Variants in TRIM44 observed in about 807,000 individuals in gnomAD.
TRIM44 encodes the protein tripartite motif-containing protein 44.
TRIM44 carries 13 observed loss-of-function variants against 37.4 expected under a neutral mutation model. The ratio of observed to expected loss-of-function variants is 0.35; its 90% CI spans 0.23 to 0.55. The LOEUF is 0.55. Among genes scored for constraint, TRIM44 ranks in the 20% least tolerant of loss-of-function variants. The pLI is 0.89. For synonymous variants in TRIM44, 175 were observed against 157.2 expected (o/e 1.11, Z -0.85); for missense variants, 426 against 437.2 (o/e 0.97, Z 0.23).
At chr11:35,757,315 G>A (rs755262286) in intron 4 of TRIM44, among the ~76,000 whole-genome samples, 2 of 152,100 alleles carry the variant, frequency 1.3e-5, no homozygotes, top group Non-Finnish European at 2.9e-5. Flanking sequence ...ATTCTCTGAT[G>A]GTAGTTTGTA....
chr11:35,725,058 G>GCACACACACA (rs373473803), intron 2 of TRIM44, among the ~76,000 whole-genome samples: 2 of 107,304 alleles, frequency 1.9e-5, no homozygotes, highest in African/African-American at 9.5e-5. Flanking sequence ...TAGGAGACAT[G>GCACACACACA]CACACACTCA....
chr11:35,676,536 G>A (rs1282060431), intron 1 of TRIM44, among the ~76,000 whole-genome samples: 1 of 152,148 alleles, frequency 6.6e-6, no homozygotes, highest in African/African-American at 2.4e-5. Context: ...TCTAATTTTA[G>A]GTTCACAAGT....
At position 35,663,203 on chromosome 11, in the gene TRIM44, A is replaced by C; in HGVS notation, c.92A>C (p.Glu31Ala). The change falls in exon 1 of 5, where the codon GAA becomes GCA. Residue 31 changes from glutamate (E) to alanine (A), a missense_variant. Physicochemically the swap from Glu to Ala is moderately radical, Grantham distance 107 (BLOSUM62 -1). Around this residue, in one of 2 missense-constraint regions of TRIM44, gnomAD observed 331 missense variants for 303.0 expected, o/e 1.09. Coordinates refer to ENST00000299413, the MANE Select transcript of TRIM44 (RefSeq NM_017583.6). ...CCCGACGAGGCTCCGGGGGCCGAGG[A>C]AGTGTGCCGAGAATGCGGCTTCTGC... The part of the protein sequence containing the change: ...CEPDEAPGAE[E>A]VCRECGFCYC... 6.3e-7 allele frequency: 1 copy of C among 1,598,928 alleles called. No homozygotes were observed. Among genetic ancestry groups the C allele is most frequent in the Non-Finnish European group, 8.5e-7 (1 of 1,171,748 alleles).
At chr11:35,754,517 T>A (rs1433056594) in intron 4 of TRIM44, among the ~76,000 whole-genome samples, 1 of 152,174 alleles carries the variant, frequency 6.6e-6, no homozygotes, top group Non-Finnish European at 1.5e-5. Context: ...TTATTTTTTT[T>A]ATTATACTTT....
intron 2 of TRIM44, among the ~76,000 whole-genome samples, chr11:35,697,398 C>CT (rs1405384624): frequency 2.7e-5 from 4 of 145,796 alleles, no homozygotes; most frequent in Admixed American, 2.1e-4. Flanking sequence ...TAAACTCATC[C>CT]TTTTTTATGG....
At chr11:35,674,375 A>G (rs1284235708) in intron 1 of TRIM44, among the ~76,000 whole-genome samples, 2 of 152,250 alleles carry the variant, frequency 1.3e-5, no homozygotes, top group African/African-American at 4.8e-5. Context: ...AAACTGATCA[A>G]GAATGAAAAA....
intron 4 of TRIM44, among the ~76,000 whole-genome samples, chr11:35,742,454 AT>A (rs1852411110): frequency 7.3e-6 from 1 of 136,874 alleles, no homozygotes; most frequent in Admixed American, 7.9e-5. Flanking sequence ...ATATAATTAT[AT>A]TAATTACAAT....
At chr11:35,784,355 C>T (rs968381069) in intron 4 of TRIM44, among the ~76,000 whole-genome samples, 7 of 152,116 alleles carry the variant, frequency 4.6e-5, no homozygotes, top group African/African-American at 1.7e-4. Flanking sequence ...TCCATTATTA[C>T]GAATTTTTAT....
intron 3 of TRIM44, among the ~76,000 whole-genome samples, chr11:35,732,000 C>T (rs562211271): frequency 1.1e-4 from 16 of 152,174 alleles, no homozygotes; most frequent in African/African-American, 3.6e-4. Context: ...GAGGGTGATA[C>T]CATTCAAAGC....
At chr11:35,747,811 A>G (rs911357687) in intron 4 of TRIM44, among the ~76,000 whole-genome samples, 2 of 151,786 alleles carry the variant, frequency 1.3e-5, no homozygotes, top group Non-Finnish European at 2.9e-5. Context: ...GTGCAGGCCA[A>G]CTGTTACCAT....
intron 2 of TRIM44, among the ~76,000 whole-genome samples, chr11:35,688,288 G>T (rs1851603369): frequency 6.6e-6 from 1 of 152,186 alleles, no homozygotes; most frequent in Admixed American, 6.5e-5. Flanking sequence ...CACAAAGCTT[G>T]ATTAGTCCAG....
chr11:35,703,569 A>G (rs944708370), intron 2 of TRIM44, among the ~76,000 whole-genome samples: 1 of 152,178 alleles, frequency 6.6e-6, no homozygotes, highest in Non-Finnish European at 1.5e-5. Flanking sequence ...CAAAACTTCC[A>G]GAGGAACGAT....
intron 2 of TRIM44, among the ~76,000 whole-genome samples, chr11:35,723,476 GTTAA>G (rs1224291656): frequency 2.6e-5 from 4 of 152,158 alleles, no homozygotes; most frequent in Admixed American, 2.6e-4. Flanking sequence ...ATGCTTATTT[GTTAA>G]TTAGAGAATG....
At chr11:35,694,065 C>G (rs896512202) in intron 2 of TRIM44, among the ~76,000 whole-genome samples, 6 of 152,162 alleles carry the variant, frequency 3.9e-5, no homozygotes, top group African/African-American at 1.4e-4. Flanking sequence ...AAAACTGAAT[C>G]TCTACAATAC....
intron 4 of TRIM44, among the ~76,000 whole-genome samples, chr11:35,742,724 AT>A (rs1382338049): frequency 1.5e-5 from 2 of 137,616 alleles, no homozygotes; most frequent in African/African-American, 5.4e-5. Flanking sequence ...ATTAAATATA[AT>A]TATATTAAAT....
At chr11:35,776,705 G>A (rs1054144184) in intron 4 of TRIM44, among the ~76,000 whole-genome samples, 9 of 152,124 alleles carry the variant, frequency 5.9e-5, no homozygotes, top group Admixed American at 4.6e-4. Context: ...CCTTCATTTC[G>A]TTGTGCACCC....
intron 1 of TRIM44, among the ~76,000 whole-genome samples, chr11:35,677,441 C>A (rs1366505073): frequency 4.0e-5 from 6 of 151,552 alleles, no homozygotes; most frequent in Non-Finnish European, 7.4e-5. Context: ...CTATTCAGCA[C>A]TTCTCTAGGT....
intron 4 of TRIM44, among the ~76,000 whole-genome samples, chr11:35,783,247 A>T (rs975120763): frequency 6.6e-6 from 1 of 152,098 alleles, no homozygotes; most frequent in Non-Finnish European, 1.5e-5. Flanking sequence ...TTCAAACTTC[A>T]TTTCTCCAGA....
intron 4 of TRIM44, among the ~76,000 whole-genome samples, chr11:35,780,810 T>A (rs1853053427): frequency 8.6e-6 from 1 of 115,672 alleles, no homozygotes; most frequent in Admixed American, 1.3e-4. Flanking sequence ...TCAAAATGGA[T>A]CGACTCAGTG....
Sources: gnomAD v4.1 joint callset for allele counts (sites outside exome capture counted in the v4.1 genomes callset) on GRCh38, gnomAD v4.1.1 for gene constraint, gnomAD v4.1.1 regional missense constraint, MANE v1.5 for transcripts, NCBI Gene and HGNC (gene_info 2026-07-23, HGNC 2026-07-21) for gene names.